The following ADAMTSL1 variants were observed in gnomAD, a reference collection of about 807,000 sequenced individuals.
ADAMTSL1 encodes ADAMTS like 1.
Under a neutral mutation model 201.8 loss-of-function variants are expected in ADAMTSL1, and 126 were observed. The ratio of observed to expected loss-of-function variants is 0.62; its 90% CI spans 0.54 to 0.72. The LOEUF is 0.72. ADAMTSL1 is among the 30% of genes least tolerant of loss of function. ADAMTSL1 has a pLI of 0.00. For missense variants in ADAMTSL1, 2,679 were observed against 2,277.8 expected, an observed-to-expected ratio of 1.18 and a Z score of -3.59; for synonymous variants, 1,121 against 903.4, an observed-to-expected ratio of 1.24 and a Z score of -4.32.
intron 1 of ADAMTSL1, among the ~76,000 whole-genome samples, chr9:18,018,237 G>A (rs1563951569): frequency 6.6e-6 from 1 of 152,024 alleles, no homozygotes; most frequent in African/African-American, 2.4e-5. Flanking sequence ...ATTAATAAGA[G>A]CCCACTTATA....
intron 3 of ADAMTSL1, among the ~76,000 whole-genome samples, chr9:18,558,575 G>T (rs996298539): frequency 6.6e-6 from 1 of 152,158 alleles, no homozygotes; most frequent in Non-Finnish European, 1.5e-5. Flanking sequence ...GATCCCTGAG[G>T]AATCGCCACA....
chr9:18,254,648 C>CCA (rs1202911028), intron 2 of ADAMTSL1, among the ~76,000 whole-genome samples: 1 of 147,982 alleles, frequency 6.8e-6, no homozygotes, highest in Non-Finnish European at 1.5e-5. Context: ...CAGGCGTGAG[C>CCA]CACCGCGCCT....
chr9:18,463,346 GTC>G (rs1263832759), intron 2 of ADAMTSL1, among the ~76,000 whole-genome samples: 1 of 151,886 alleles, frequency 6.6e-6, no homozygotes, highest in Non-Finnish European at 1.5e-5. Context: ...TTCTTTTATC[GTC>G]TTTTTTCTCT....
chr9:18,656,571 G>A (rs1587817939), intron 7 of ADAMTSL1, among the ~76,000 whole-genome samples: 1 of 149,982 alleles, frequency 6.7e-6, no homozygotes, highest in African/African-American at 2.5e-5. Context: ...GGAGCTGGCA[G>A]TGAGCCGGGA....
At chr9:18,293,707 C>G (rs1209622330) in intron 2 of ADAMTSL1, among the ~76,000 whole-genome samples, 2 of 152,170 alleles carry the variant, frequency 1.3e-5, no homozygotes, top group Admixed American at 1.3e-4. Context: ...TATGTGGGCT[C>G]CGTCCCATAT....
At chr9:18,756,807 CTCTCTGTGTG>C (rs139677873) in intron 16 of ADAMTSL1, among the ~76,000 whole-genome samples, 125 of 152,310 alleles carry the variant, frequency 8.2e-4, no homozygotes, top group African/African-American at 2.9e-3. Flanking sequence ...ACTCTCTCTC[CTCTCTGTGTG>C]AACACAGTGT....
intron 23 of ADAMTSL1, among the ~76,000 whole-genome samples, chr9:18,862,272 G>T (rs1008159027): frequency 6.6e-6 from 1 of 152,138 alleles, no homozygotes; most frequent in Admixed American, 6.5e-5. Context: ...TTTTGCAGAG[G>T]CTCTCACCCA....
chr9:18,816,720 C>CTTTTTTTTTT (rs751791974), intron 20 of ADAMTSL1, among the ~76,000 whole-genome samples: 6 of 39,754 alleles, frequency 1.5e-4, no homozygotes, highest in East Asian at 9.0e-4. Context: ...AACCCTTGGT[C>CTTTTTTTTTT]TTTTTTTTTT....
intron 2 of ADAMTSL1, among the ~76,000 whole-genome samples, chr9:18,193,097 T>A (rs1829036106): frequency 6.6e-6 from 1 of 152,096 alleles, no homozygotes. Flanking sequence ...GTTTTTTTGG[T>A]TGGGCTAAAT....
intron 1 of ADAMTSL1, among the ~76,000 whole-genome samples, chr9:17,942,971 G>C (rs1203104721): frequency 6.6e-6 from 1 of 152,070 alleles, no homozygotes; most frequent in Non-Finnish European, 1.5e-5. Flanking sequence ...ATCTAGGCTG[G>C]AGTGCAGTGA....
chr9:18,583,361 T>A (rs936167897), intron 4 of ADAMTSL1, among the ~76,000 whole-genome samples: 3 of 152,182 alleles, frequency 2.0e-5, no homozygotes, highest in African/African-American at 7.2e-5. Flanking sequence ...GTGTTGAGCC[T>A]GTGAGTGCAC....
chr9:18,483,877 C>T (rs1348529082), intron 1 of ADAMTSL1, among the ~76,000 whole-genome samples: 1 of 152,144 alleles, frequency 6.6e-6, no homozygotes, highest in African/African-American at 2.4e-5. Context: ...TCATTGTTGG[C>T]TTATAAATAT....
chr9:18,680,822 G>A (rs555092368), intron 11 of ADAMTSL1: 12 of 376,498 alleles, frequency 3.2e-5, no homozygotes, highest in African/African-American at 1.8e-4. Context: ...GAATGATCCC[G>A]AATCTGTAAA....
At chr9:18,501,504 A>C (rs889213440) in intron 1 of ADAMTSL1, among the ~76,000 whole-genome samples, 2 of 46,088 alleles carry the variant, frequency 4.3e-5, no homozygotes, top group African/African-American at 5.0e-5. Context: ...ACACGGTCTC[A>C]AAAAAAAAAA....
At chr9:18,087,366 T>C (rs1230151791) in intron 1 of ADAMTSL1, among the ~76,000 whole-genome samples, 1 of 152,156 alleles carries the variant, frequency 6.6e-6, no homozygotes, top group East Asian at 1.9e-4. Flanking sequence ...CAATAATTGA[T>C]AAACTATAGT....
At chr9:18,336,518 A>G (rs1435477814) in intron 2 of ADAMTSL1, among the ~76,000 whole-genome samples, 3 of 152,198 alleles carry the variant, frequency 2.0e-5, no homozygotes, top group Admixed American at 6.5e-5. Flanking sequence ...CTGCAGGGCT[A>G]AATATGTAAA....
chr9:18,327,662 T>C (rs1563889630), intron 2 of ADAMTSL1, among the ~76,000 whole-genome samples: 1 of 152,214 alleles, frequency 6.6e-6, no homozygotes, highest in Non-Finnish European at 1.5e-5. Flanking sequence ...AATAGTTTAA[T>C]GTTTGTTTTG....
chr9:18,157,176 C>A (rs1454911971), intron 1 of ADAMTSL1, among the ~76,000 whole-genome samples: 1 of 152,070 alleles, frequency 6.6e-6, no homozygotes, highest in African/African-American at 2.4e-5. Flanking sequence ...GTTTATAGAT[C>A]AATCCCACAT....
intron 4 of ADAMTSL1, among the ~76,000 whole-genome samples, chr9:18,599,398 G>T (rs1824481478): frequency 6.6e-6 from 1 of 152,202 alleles, no homozygotes; most frequent in Non-Finnish European, 1.5e-5. Flanking sequence ...TATTGAAGGG[G>T]TGGGTGCTTA....
Sources: gnomAD v4.1 joint callset for allele counts (sites outside exome capture counted in the v4.1 genomes callset) on GRCh38, gnomAD v4.1.1 for gene constraint, MANE v1.5 for transcripts, NCBI Gene and HGNC (gene_info 2026-07-23, HGNC 2026-07-21) for gene names.